Variants in FAHD2B observed in about 807,000 individuals in gnomAD.
FAHD2B encodes the protein fumarylacetoacetate hydrolase domain containing 2B, also known as oxaloacetate tautomerase FAHD2B, mitochondrial.
In FAHD2B, 26 loss-of-function variants were observed where a neutral mutation model predicts 33.7. That is an observed-to-expected ratio of 0.77 (90% CI 0.57 to 1.07). The LOEUF (loss-of-function observed/expected upper bound fraction) is 1.07. Ranked by LOEUF, FAHD2B falls within the 50% of genes least tolerant of loss-of-function variation. The pLI, the probability that FAHD2B is intolerant of heterozygous loss-of-function variation, is 0.00. For missense variants in FAHD2B, 272 were observed against 388.1 expected, an observed-to-expected ratio of 0.70 and a Z score of 2.51; for synonymous variants, 108 against 150.9, an observed-to-expected ratio of 0.72 and a Z score of 2.08.
intron 1 of FAHD2B, among the ~76,000 whole-genome samples, chr2:97,092,907 A>T (rs2032434202): frequency 7.3e-6 from 1 of 137,498 alleles, no homozygotes. Flanking sequence ...CAGGAGGCAG[A>T]GGTTGTAGTG....
chr2:97,079,292 A>G (rs373481828), downstream of FAHD2B, among the ~76,000 whole-genome samples: 55 of 151,976 alleles, frequency 3.6e-4, no homozygotes, highest in African/African-American at 1.2e-3. Flanking sequence ...ATACCCAGTA[A>G]TAAGATTGCT....
chr2:97,091,444 T>C lies in FAHD2B; in HGVS notation c.245+18A>G, dbSNP rs1384413123. On this transcript the variant is annotated intron_variant, in intron 3 of 8. Transcript: ENST00000414820. ...GACCAGGGCAGCTGCTTCAGGGCGA[T>C]GCTGCCCACTTACTTACCTTCTTGC... is the stretch of plus-strand genomic sequence containing the variant. The C allele has an allele frequency of 1.9e-6, 3 of 1,571,896 alleles. No individual in the cohort carries two copies. Among genetic ancestry groups the C allele is most frequent in the East Asian group, 2.3e-5 (1 of 42,930 alleles).
intron 1 of FAHD2B, among the ~76,000 whole-genome samples, chr2:97,093,323 A>T (rs2032464346): frequency 6.6e-6 from 1 of 152,050 alleles, no homozygotes. Context: ...CTGCCCTGCT[A>T]TCTTACACAA....
chr2:97,082,529 C>G, downstream of FAHD2B: 1 of 1,603,964 alleles, frequency 6.2e-7, no homozygotes, highest in Non-Finnish European at 8.5e-7. Context: ...CTGCTGCCCC[C>G]TGCCAGACAG....
At chr2:97,082,068 T>A, downstream of FAHD2B, 1 of 1,586,510 alleles carries the variant, frequency 6.3e-7, no homozygotes, top group Non-Finnish European at 8.6e-7. Flanking sequence ...ATTTTACTGA[T>A]AGTGACAGTG....
chr2:97,083,957 G>C lies in FAHD2B; in HGVS notation c.873C>G (p.Val291=), dbSNP rs2031778296. The change falls in exon 8 of 9, where the codon GTC becomes GTG. Residue 291 remains valine, a synonymous_variant. Transcript: ENST00000414820. ...CTTTTCGCTAACCTACCTTGAGAAA[G>C]ACAGGAGGTTTCCTGAATACACCGA... ...PGVGVFRKPP[V]FLKKGDEVQC... 2 of 1,613,902 alleles carry C rather than the reference G, an allele frequency of 1.2e-6. No homozygotes were observed. The highest frequency in any genetic ancestry group is 2.7e-5 in the African/African-American group (2 of 75,064).
At position 97,091,488 on chromosome 2, in the gene FAHD2B, T is replaced by C; in HGVS notation, c.219A>G (p.Gly73=). The change falls in exon 3 of 9, where the codon GGA becomes GGG. Residue 73 remains glycine, a synonymous_variant. Coordinates refer to ENST00000414820, the MANE Select transcript of FAHD2B (RefSeq NM_001320848.2). ...PKTMTQFLEQ[G]EATLSVARRA... is the part of the protein sequence containing the mutation. ...TTCTTGCCACTGAGAGGGTGGCCTC[T>C]CCCTGCTCTAGGAACTGCGTCATCG... is the stretch of plus-strand genomic sequence containing the variant. 6.2e-7 allele frequency: 1 copy of C among 1,613,032 alleles called. No individual in the cohort carries two copies. Among genetic ancestry groups the C allele is most frequent in the East Asian group, 2.2e-5 (1 of 44,836 alleles).
intron 4 of FAHD2B, among the ~76,000 whole-genome samples, chr2:97,087,409 T>C (rs2032058274): frequency 6.6e-6 from 1 of 152,056 alleles, no homozygotes; most frequent in Admixed American, 6.6e-5. Context: ...GAAAAATCAT[T>C]GTTCTTGGCC....
downstream of FAHD2B, chr2:97,081,902 G>T (rs2031656842): frequency 1.7e-6 from 1 of 596,144 alleles, no homozygotes; most frequent in South Asian, 1.9e-5. Context: ...GGGTCTCTAG[G>T]TCTGCTTTTA....
At chr2:97,089,544 A>G (rs1342817351) in intron 4 of FAHD2B, among the ~76,000 whole-genome samples, 1 of 150,122 alleles carries the variant, frequency 6.7e-6, no homozygotes, top group African/African-American at 2.4e-5. Flanking sequence ...AAAGGAAATA[A>G]TAATATATTA....
downstream of FAHD2B, among the ~76,000 whole-genome samples, chr2:97,079,584 G>C (rs1211476714): frequency 2.0e-5 from 3 of 151,850 alleles, no homozygotes; most frequent in South Asian, 2.1e-4. Flanking sequence ...TTTGAAAAGT[G>C]TCTTTTCATG....
downstream of FAHD2B, among the ~76,000 whole-genome samples, chr2:97,079,347 C>T (rs188435428): frequency 3.3e-5 from 5 of 152,226 alleles, no homozygotes; most frequent in East Asian, 9.7e-4. Context: ...GGAATCATCA[C>T]ACTGTTTTCC....
intron 4 of FAHD2B, among the ~76,000 whole-genome samples, chr2:97,089,326 C>G (rs1436362286): frequency 2.6e-5 from 4 of 151,420 alleles, no homozygotes. Flanking sequence ...TGAGACCATC[C>G]TGGCCAACAT....
intron 2 of FAHD2B, 42 bp from the exon 3 acceptor site, chr2:97,091,754 G>A: frequency 6.3e-7 from 1 of 1,578,296 alleles, no homozygotes; most frequent in Non-Finnish European, 8.6e-7. Flanking sequence ...GAGGATCTCA[G>A]AGCCATCATC....
chr2:97,079,083 T>C (rs982270206), downstream of FAHD2B, among the ~76,000 whole-genome samples: 6 of 152,142 alleles, frequency 3.9e-5, no homozygotes, highest in African/African-American at 1.2e-4. Flanking sequence ...TCCATGTCCC[T>C]GCAAAGGTCG....
chr2:97,084,329 C>A, intron 6 of FAHD2B, 52 bp from the exon 7 acceptor site: 7 of 1,605,782 alleles, frequency 4.4e-6, no homozygotes, highest in East Asian at 2.2e-5. Context: ...CCTCAAACCC[C>A]CCAGTGTTTT....
downstream of FAHD2B, chr2:97,082,735 A>G: frequency 2.5e-6 from 4 of 1,578,050 alleles, no homozygotes; most frequent in Non-Finnish European, 3.5e-6. Flanking sequence ...CATCAGTGCT[A>G]TCTGGACCTT....
chr2:97,082,003 T>G, downstream of FAHD2B: 1 of 1,531,422 alleles, frequency 6.5e-7, no homozygotes, highest in Non-Finnish European at 8.9e-7. Context: ...CCGGCCAGCC[T>G]GTGACACAGG....
Position 97,087,423 on chromosome 2 carries a change from T to G in FAHD2B, c.463-1225A>C, listed in dbSNP as rs536535907. ...AGAAAAATCATTGTTCTTGGCCGGG[T>G]GCAGTGGCTCATGCCCATAATCCCA... is the stretch of plus-strand genomic sequence containing the variant. On this transcript the variant is annotated intron_variant, in intron 4 of 8. Transcript: ENST00000414820. 7.2e-5 allele frequency among the ~76,000 whole-genome samples: 11 copies of G among 152,100 alleles called. No individual in the cohort carries two copies. The East Asian group carries it at 1.4e-3, about 19-fold the overall frequency.
Sources: gnomAD v4.1 joint callset for allele counts (sites outside exome capture counted in the v4.1 genomes callset) on GRCh38, gnomAD v4.1.1 for gene constraint, MANE v1.5 for transcripts, NCBI Gene and HGNC (gene_info 2026-07-23, HGNC 2026-07-21) for gene names.